The following CDKL1 variants were observed in gnomAD, a reference collection of about 807,000 sequenced individuals.
CDKL1 encodes cyclin-dependent kinase-like 1.
CDKL1 carries 41 observed loss-of-function variants against 42.0 expected under a neutral mutation model. The observed-to-expected ratio is 0.98, with a 90% CI of 0.76 to 1.27. The LOEUF (loss-of-function observed/expected upper bound fraction) is 1.27, where lower values mean the gene tolerates loss of function less well. Among genes scored for constraint, CDKL1 ranks in the 50% most tolerant of loss-of-function variants. CDKL1 has a pLI of 0.00. For synonymous variants in CDKL1, 153 were observed against 158.6 expected (o/e 0.96, Z 0.26); for missense variants, 394 against 428.4 (o/e 0.92, Z 0.71).
chr14:50,340,970 G>T, intron 6 of CDKL1, 62 bp downstream of exon 6: 2 of 1,575,274 alleles, frequency 1.3e-6, no homozygotes, highest in Non-Finnish European at 1.7e-6. Context: ...ACTTGGCTCT[G>T]CCCTGCCCCA....
At chr14:50,378,747 G>C (rs2034815288) in intron 2 of CDKL1, among the ~76,000 whole-genome samples, 1 of 152,154 alleles carries the variant, frequency 6.6e-6, no homozygotes, top group African/African-American at 2.4e-5. Flanking sequence ...ATCTTGCTCA[G>C]GTTGGTCTCA....
intron 4 of CDKL1, among the ~76,000 whole-genome samples, chr14:50,343,231 T>C (rs536491397): frequency 1.4e-5 from 2 of 146,662 alleles, no homozygotes; most frequent in Middle Eastern, 3.6e-3. Context: ...TCCCAAGTGT[T>C]TTCCTCTTAG....
At chr14:50,335,431 C>T (rs1331547228) in intron 7 of CDKL1, 1 of 1,497,164 alleles carries the variant, frequency 6.7e-7, no homozygotes, top group African/African-American at 1.4e-5. Flanking sequence ...TGTCTCCTCC[C>T]ACTAGGGCCT....
chr14:50,351,863 G>C (rs2033915293), intron 3 of CDKL1, among the ~76,000 whole-genome samples: 1 of 152,104 alleles, frequency 6.6e-6, no homozygotes, highest in Non-Finnish European at 1.5e-5. Context: ...ATGGTACAAT[G>C]CTCAGCTATA....
At chr14:50,331,709 G>T in intron 9 of CDKL1, 3 of 301,606 alleles carry the variant, frequency 9.9e-6, no homozygotes, top group Non-Finnish European at 1.8e-5. Context: ...TTAATGTAAG[G>T]CCATTTTATA....
At position 50,326,723 on chromosome 14, in the gene CDKL1, A is replaced by G; in HGVS notation, c.*3351T>C. Reference sequence around the variant, plus strand: ...AGGAAACAGTAAAAACTAGTGGGCTATGCTTAGGTTTTTCTTGAAACCTAA... The same window carrying G: ...AGGAAACAGTAAAAACTAGTGGGCTGTGCTTAGGTTTTTCTTGAAACCTAA... On this transcript the variant is annotated 3_prime_UTR_variant, in exon 10 of 10. Coordinates refer to ENST00000395834, the MANE Select transcript of CDKL1 (RefSeq NM_004196.7). 1.0e-6 allele frequency: 1 copy of G among 985,448 alleles called. No homozygotes were observed. The highest frequency in any genetic ancestry group is 4.7e-5 in the South Asian group (1 of 21,292). The allele number at this position is 985,448 out of a possible 1,614,324, so 61.0% of individuals were successfully genotyped here.
At chr14:50,381,391 C>G (rs1006646340) in intron 2 of CDKL1, among the ~76,000 whole-genome samples, 1 of 152,188 alleles carries the variant, frequency 6.6e-6, no homozygotes, top group Admixed American at 6.5e-5. Flanking sequence ...CTGGAGGGAA[C>G]AAGCAAGTGA....
chr14:50,339,161 A>G, intron 6 of CDKL1, 132 bp from the exon 7 acceptor site: 2 of 672,462 alleles, frequency 3.0e-6, no homozygotes, highest in South Asian at 3.1e-5. Context: ...AATCAGAAGG[A>G]GAGGCATTCA....
Position 50,326,546 on chromosome 14 carries a change from C to T in CDKL1, c.*3528G>A, listed in dbSNP as rs1441481550. 1.0e-6 allele frequency: 1 copy of T among 985,282 alleles called. No individual in the cohort carries two copies. Among genetic ancestry groups the T allele is most frequent in the East Asian group, 1.1e-4 (1 of 8,826 alleles). 61.0% of individuals were successfully genotyped at this position (985,282 alleles called of 1,614,324 possible). A position where few individuals can be genotyped will look rare whatever the true frequency, so the allele number is the denominator to read the frequency against. ...TTTGCGTGCATTTCCCATGATCCTG[C>T]ATTCTTGTGTTCTTGATAGCATACA... On this transcript the variant is annotated 3_prime_UTR_variant, in exon 10 of 10. Transcript: ENST00000395834.
intron 7 of CDKL1, 132 bp downstream of exon 7, chr14:50,338,815 T>C: frequency 1.4e-6 from 1 of 699,608 alleles, no homozygotes; most frequent in African/African-American, 1.8e-5. Flanking sequence ...CGCTAGCCAA[T>C]TTGCTCCAAT....
chr14:50,371,540 A>G lies in CDKL1; in HGVS notation c.169-12391T>C, dbSNP rs374067614. Among the ~76,000 whole-genome samples, 34 of 152,350 alleles carry G rather than the reference A, an allele frequency of 2.2e-4. No homozygotes were observed. The South Asian group carries it at 6.6e-3, about 30-fold the overall frequency. On this transcript the variant is annotated intron_variant, in intron 2 of 9. Coordinates refer to ENST00000395834, the MANE Select transcript of CDKL1 (RefSeq NM_004196.7). Reference sequence around the variant, plus strand: ...GTATGTCCTCTTTTGAGAGATGTCCATTCAGATCCCAGGCTTATTTTTTCC... The same window carrying G: ...GTATGTCCTCTTTTGAGAGATGTCCGTTCAGATCCCAGGCTTATTTTTTCC...
chr14:50,326,858 C>A lies in CDKL1; in HGVS notation c.*3216G>T. On this transcript the variant is annotated 3_prime_UTR_variant, in exon 10 of 10. Coordinates refer to ENST00000395834, the MANE Select transcript of CDKL1 (RefSeq NM_004196.7). ...GAGTTTGAGACCAATTTGGGCAACA[C>A]AGTGAGACCCCATCTCTAAAAAAAT... The A allele has an allele frequency of 3.2e-6, 2 of 617,778 alleles. No individual in the cohort carries two copies. Among genetic ancestry groups the A allele is most frequent in the Non-Finnish European group, 4.0e-6 (2 of 494,766 alleles). 38.3% of individuals were successfully genotyped at this position (617,778 alleles called of 1,614,324 possible).
chr14:50,351,830 A>G (rs996642962), intron 3 of CDKL1, among the ~76,000 whole-genome samples: 5 of 152,176 alleles, frequency 3.3e-5, no homozygotes, highest in Non-Finnish European at 7.3e-5. Flanking sequence ...ATTTGAGGAA[A>G]AAGTACAAAA....
chr14:50,331,946 T>C, intron 9 of CDKL1: 2 of 1,254,290 alleles, frequency 1.6e-6, no homozygotes, highest in South Asian at 1.5e-5. Flanking sequence ...AAATCTGATT[T>C]CATTTTCCAA....
intron 3 of CDKL1, among the ~76,000 whole-genome samples, chr14:50,354,410 A>G (rs2033995187): frequency 6.6e-6 from 1 of 152,220 alleles, no homozygotes; most frequent in Admixed American, 6.5e-5. Flanking sequence ...TGAACAAACT[A>G]TGTTATTCAG....
chr14:50,386,787 G>A (rs1054503928), intron 2 of CDKL1, among the ~76,000 whole-genome samples: 4 of 151,850 alleles, frequency 2.6e-5, no homozygotes, highest in Non-Finnish European at 5.9e-5. Context: ...TTGGCTGGGC[G>A]CAGTGGCTCA....
Position 50,327,636 on chromosome 14 carries a change from T to G in CDKL1, c.*2438A>C, listed in dbSNP as rs1183030894. On this transcript the variant is annotated 3_prime_UTR_variant, in exon 10 of 10. Coordinates refer to ENST00000395834, the MANE Select transcript of CDKL1 (RefSeq NM_004196.7). ...CCCACCACCACGCCCAGCTAATTTT[T>G]GTACTTTTAGTAGAGACAGGGTTTC... The G allele has an allele frequency of 6.6e-6, 1 of 152,126 alleles. No homozygotes were observed. Among genetic ancestry groups the G allele is most frequent in the African/African-American group, 2.4e-5 (1 of 41,390 alleles). 9.4% of individuals were successfully genotyped at this position (152,126 alleles called of 1,614,324 possible). A position where few individuals can be genotyped will look rare whatever the true frequency, so the allele number is the denominator to read the frequency against.
chr14:50,391,476 G>A (rs1407898867), intron 2 of CDKL1, among the ~76,000 whole-genome samples: 3 of 152,088 alleles, frequency 2.0e-5, no homozygotes, highest in South Asian at 2.1e-4. Flanking sequence ...TCTGCCTCCC[G>A]GGTTCAAGCG....
rs200939456 is a variant in CDKL1 at position 50,336,204 on chromosome 14, A to C, written c.739-1583T>G. 3 of 1,347,814 alleles carry C rather than the reference A, an allele frequency of 2.2e-6. No individual in the cohort carries two copies. The African/African-American group carries it at 4.4e-5, about 20-fold the overall frequency. 83.5% of individuals were successfully genotyped at this position (1,347,814 alleles called of 1,614,324 possible). A position where few individuals can be genotyped will look rare whatever the true frequency, so the allele number is the denominator to read the frequency against. On this transcript the variant is annotated intron_variant, in intron 7 of 9. Coordinates refer to ENST00000395834, the MANE Select transcript of CDKL1 (RefSeq NM_004196.7). ...AAGCAGGCCTCCCTCTGTCAGGGTT[A>C]CTGACAGGCAGAGGGACTGGGGCAC...
Sources: allele counts gnomAD v4.1 joint callset (sites outside exome capture counted in the v4.1 genomes callset), GRCh38; gene constraint gnomAD v4.1.1; transcripts MANE v1.5; gene names NCBI Gene and HGNC (gene_info 2026-07-23, HGNC 2026-07-21).